Variants in CDC5L observed in about 807,000 individuals in gnomAD.
CDC5L encodes the protein cell division cycle 5-like protein.
CDC5L carries 18 observed loss-of-function variants against 104.1 expected under a neutral mutation model. The ratio of observed to expected loss-of-function variants is 0.17; its 90% CI spans 0.12 to 0.26. CDC5L has a LOEUF of 0.26. Among genes scored for constraint, CDC5L ranks in the 10% least tolerant of loss-of-function variants. The probability of loss-of-function intolerance (pLI) is 1.00; values close to 1 mark genes in which losing one functional copy is unlikely to be tolerated. For synonymous variants in CDC5L, 331 were observed against 322.7 expected (o/e 1.03, Z -0.28); for missense variants, 673 against 956.9 (o/e 0.70, Z 3.91).
chr6:44,393,912 C>T (rs531554681), intron 4 of CDC5L, among the ~76,000 whole-genome samples: 1 of 152,172 alleles, frequency 6.6e-6, no homozygotes, highest in African/African-American at 2.4e-5. Flanking sequence ...GCTATCCTCC[C>T]TTTTCTGCCT....
intron 1 of CDC5L, 22 bp from the exon 2 acceptor site, chr6:44,390,246 A>T (rs781457888): frequency 8.6e-6 from 13 of 1,508,874 alleles, no homozygotes; most frequent in Non-Finnish European, 1.2e-5. Context: ...GACTGAATGT[A>T]CTCTTTGGCA....
intron 7 of CDC5L, among the ~76,000 whole-genome samples, chr6:44,408,014 G>C (rs1454157718): frequency 6.6e-6 from 1 of 151,912 alleles, no homozygotes; most frequent in Non-Finnish European, 1.5e-5. Context: ...TACATTCTTG[G>C]TACGTTAATA....
At chr6:44,418,321 T>C (rs1324403031) in intron 8 of CDC5L, among the ~76,000 whole-genome samples, 1 of 152,222 alleles carries the variant, frequency 6.6e-6, no homozygotes, top group African/African-American at 2.4e-5. Flanking sequence ...ACAAAGGACA[T>C]GAACTCATCA....
At chr6:44,439,612 G>T (rs1793090601) in intron 14 of CDC5L, among the ~76,000 whole-genome samples, 1 of 152,158 alleles carries the variant, frequency 6.6e-6, no homozygotes, top group Non-Finnish European at 1.5e-5. Flanking sequence ...TTATATTGAA[G>T]TTGGAATTTT....
At chr6:44,399,096 A>G (rs1561968578) in intron 5 of CDC5L, among the ~76,000 whole-genome samples, 1 of 152,334 alleles carries the variant, frequency 6.6e-6, no homozygotes, top group East Asian at 1.9e-4. Context: ...GGATCTACAG[A>G]TGCACACCAC....
chr6:44,439,201 C>G (rs1156529197), intron 14 of CDC5L, among the ~76,000 whole-genome samples: 2 of 152,118 alleles, frequency 1.3e-5, no homozygotes, highest in Non-Finnish European at 2.9e-5. Flanking sequence ...GTTTTTATGG[C>G]TGAGTACCAT....
intron 14 of CDC5L, among the ~76,000 whole-genome samples, chr6:44,436,667 C>T (rs1315806694): frequency 6.6e-6 from 1 of 152,138 alleles, no homozygotes; most frequent in East Asian, 1.9e-4. Flanking sequence ...TGTATTCTCA[C>T]CCAGCTATGA....
chr6:44,399,507 T>C (rs367873374), intron 5 of CDC5L, among the ~76,000 whole-genome samples: 1 of 152,242 alleles, frequency 6.6e-6, no homozygotes, highest in Non-Finnish European at 1.5e-5. Flanking sequence ...CACATATTTC[T>C]CTGAGGCTCT....
At chr6:44,411,995 C>G (rs1791663527) in intron 8 of CDC5L, among the ~76,000 whole-genome samples, 1 of 152,080 alleles carries the variant, frequency 6.6e-6, no homozygotes, top group South Asian at 2.1e-4. Flanking sequence ...ATGGAGGGAC[C>G]TAAACAGTCC....
At chr6:44,445,921 G>T in intron 15 of CDC5L, 54 bp downstream of exon 15, 1 of 1,361,612 alleles carries the variant, frequency 7.3e-7, no homozygotes, top group Non-Finnish European at 1.0e-6. Context: ...AGAATTATCA[G>T]GGCTGTCCTC....
intron 12 of CDC5L, 58 bp downstream of exon 12, chr6:44,426,241 C>A: frequency 1.7e-6 from 2 of 1,197,638 alleles, no homozygotes; most frequent in South Asian, 1.3e-5. Flanking sequence ...ATGATTGCTG[C>A]GTTTTACATC....
intron 8 of CDC5L, among the ~76,000 whole-genome samples, chr6:44,418,411 G>C (rs1243530987): frequency 1.3e-5 from 2 of 152,126 alleles, no homozygotes; most frequent in African/African-American, 4.8e-5. Flanking sequence ...GGACATTTGG[G>C]TTGGTTCCAA....
intron 5 of CDC5L, among the ~76,000 whole-genome samples, chr6:44,402,314 C>G (rs560314248): frequency 2.6e-5 from 4 of 152,006 alleles, no homozygotes; most frequent in South Asian, 2.1e-4. Flanking sequence ...TCTCCAGCAC[C>G]TGTTGTTTCC....
intron 14 of CDC5L, among the ~76,000 whole-genome samples, chr6:44,433,350 G>A (rs1792775667): frequency 6.6e-6 from 1 of 152,166 alleles, no homozygotes; most frequent in Non-Finnish European, 1.5e-5. Flanking sequence ...TTTGGGAAGT[G>A]CAAATAGAAT....
In CDC5L at chr6:44,447,630, C is replaced by CTATAGGAAGGGAAGGGATTCA. The variant is rs1224334144; in HGVS notation, c.*921_*941dup. On this transcript the variant is annotated 3_prime_UTR_variant, in exon 16 of 16. Coordinates refer to ENST00000371477, the MANE Select transcript of CDC5L (RefSeq NM_001253.4). ...TTGCCCAGTCTTAGAATACTAGGGA[C>CTATAGGAAGGGAAGGGATTCA]TATAGGAAGGGAAGGGATTCATTCA... 1.3e-5 allele frequency: 2 copies of CTATAGGAAGGGAAGGGATTCA among 152,088 alleles called. No homozygotes were observed. The highest frequency in any genetic ancestry group is 2.9e-5 in the Non-Finnish European group (2 of 68,020). 9.4% of individuals were successfully genotyped at this position (152,088 alleles called of 1,614,324 possible).
chr6:44,412,303 C>G (rs966696319), intron 8 of CDC5L, among the ~76,000 whole-genome samples: 1 of 50,176 alleles, frequency 2.0e-5, no homozygotes, highest in Non-Finnish European at 3.8e-5. Context: ...ATAACCTGTC[C>G]CCCACTTTTT....
chr6:44,445,926 GTCC>G, intron 15 of CDC5L, 59 bp downstream of exon 15: 1 of 1,321,596 alleles, frequency 7.6e-7, no homozygotes. Context: ...TATCAGGGCT[GTCC>G]TCTTTTACTT....
chr6:44,416,668 T>C (rs1389135916), intron 8 of CDC5L, among the ~76,000 whole-genome samples: 1 of 152,204 alleles, frequency 6.6e-6, no homozygotes, highest in African/African-American at 2.4e-5. Context: ...ATTCACCACA[T>C]AGGAGACAGC....
intron 14 of CDC5L, among the ~76,000 whole-genome samples, chr6:44,438,673 T>C (rs902220732): frequency 6.7e-6 from 1 of 149,874 alleles, no homozygotes; most frequent in Non-Finnish European, 1.5e-5. Flanking sequence ...GTCTTTTTTT[T>C]TTTTTTTTTT....
Sources: allele counts gnomAD v4.1 joint callset (sites outside exome capture counted in the v4.1 genomes callset), GRCh38; gene constraint gnomAD v4.1.1; transcripts MANE v1.5; gene names NCBI Gene and HGNC (gene_info 2026-07-23, HGNC 2026-07-21).